RAB29: variants seen among roughly 807,000 people sequenced by gnomAD.
RAB29 encodes ras-related protein Rab-29.
In RAB29, 13 loss-of-function variants were observed where a neutral mutation model predicts 25.5. That is an observed-to-expected ratio of 0.51 (90% CI 0.33 to 0.81). The LOEUF (loss-of-function observed/expected upper bound fraction) is 0.81. RAB29 is among the 30% of genes least tolerant of loss of function. The probability of loss-of-function intolerance (pLI) is 0.02; values close to 1 mark genes in which losing one functional copy is unlikely to be tolerated. For missense variants in RAB29, 201 were observed against 254.9 expected, an observed-to-expected ratio of 0.79 and a Z score of 1.44; for synonymous variants, 88 against 95.0, an observed-to-expected ratio of 0.93 and a Z score of 0.43.
At chr1:205,770,515 T>C (rs2102470429) in intron 5 of RAB29, 62 bp from the exon 6 acceptor site, 2 of 1,474,812 alleles carry the variant, frequency 1.4e-6, no homozygotes. Flanking sequence ...ATGGCAGATG[T>C]AGTCTGACTT....
intron 4 of RAB29, chr1:205,771,070 G>C: frequency 1.8e-6 from 1 of 561,928 alleles, no homozygotes; most frequent in South Asian, 2.0e-5. Flanking sequence ...AGGCTGAGGC[G>C]GGCAGATCAT....
chr1:205,770,617 G>T (rs1654937884), intron 5 of RAB29, 116 bp downstream of exon 5: 2 of 1,520,136 alleles, frequency 1.3e-6, no homozygotes, highest in Admixed American at 1.8e-5. Flanking sequence ...ACCTTTAGGG[G>T]CTAGCATTCC....
In RAB29 at chr1:205,775,104, CA is replaced by C. The variant is rs1044023502; in HGVS notation, c.-130-19del. Reference sequence around the variant, plus strand: ...TGTCTGGGCTGCTCTGACGAGAAAGCAAAAAAGGAAACTTTGCACTCAACCT... The same window carrying C: ...TGTCTGGGCTGCTCTGACGAGAAAGCAAAAAGGAAACTTTGCACTCAACCT... On this transcript the variant is annotated intron_variant, in intron 1 of 5. Coordinates refer to ENST00000367139, the MANE Select transcript of RAB29 (RefSeq NM_003929.3). 9.1e-7 allele frequency: 1 copy of C among 1,097,054 alleles called. No homozygotes were observed. Among genetic ancestry groups the C allele is most frequent in the Non-Finnish European group, 1.3e-6 (1 of 787,214 alleles). The allele number at this position is 1,097,054 out of a possible 1,614,324, so 68.0% of individuals were successfully genotyped here. A position where few individuals can be genotyped will look rare whatever the true frequency, so the allele number is the denominator to read the frequency against.
Position 205,769,521 on chromosome 1 carries a change from C to G in RAB29, c.*821G>C, listed in dbSNP as rs1654880928. Reference sequence around the variant, plus strand: ...TCGGTTCACTGCAACCTCTGCCTCCCAGTCTCAAGCGATTCTCCCACCTCA... The same window carrying G: ...TCGGTTCACTGCAACCTCTGCCTCCGAGTCTCAAGCGATTCTCCCACCTCA... On this transcript the variant is annotated 3_prime_UTR_variant, in exon 6 of 6. Coordinates refer to ENST00000367139, the MANE Select transcript of RAB29 (RefSeq NM_003929.3). 6.6e-6 allele frequency: 1 copy of G among 152,112 alleles called. No individual in the cohort carries two copies. The highest frequency in any genetic ancestry group is 1.5e-5 in the Non-Finnish European group (1 of 68,040). 9.4% of individuals were successfully genotyped at this position (152,112 alleles called of 1,614,324 possible).
At position 205,771,469 on chromosome 1, in the gene RAB29, T is replaced by C. The variant is rs780091344; in HGVS notation, c.378+3A>G. ...GGACCATTTTCTGAGATTGGCCACA[T>C]ACCTTGTTGGCCAAGAGCAGGCAGG... is the stretch of plus-strand genomic sequence containing the variant. On this transcript the variant is annotated splice_donor_region_variant and intron_variant, in intron 4 of 5. Transcript: ENST00000367139. 1 of 1,613,736 alleles carries C rather than the reference T, an allele frequency of 6.2e-7. No homozygotes were observed. Among genetic ancestry groups the C allele is most frequent in the South Asian group, 1.1e-5 (1 of 91,058 alleles).
In RAB29 at chr1:205,773,525, C is replaced by G. The variant is rs567986172; in HGVS notation, c.125-958G>C. Among the ~76,000 whole-genome samples, 2 of 152,074 alleles carry G rather than the reference C, an allele frequency of 1.3e-5. 1 individual carries two copies. The highest frequency in any genetic ancestry group is 4.2e-4 in the South Asian group (2 of 4,816). On this transcript the variant is annotated intron_variant, in intron 2 of 5. Coordinates refer to ENST00000367139, the MANE Select transcript of RAB29 (RefSeq NM_003929.3). Reference sequence around the variant, plus strand: ...TTTGCCAGACTTAAATTTTTTGTTCCTTTGTTTTTGAGACAGGGTCTCACT... The same window carrying G: ...TTTGCCAGACTTAAATTTTTTGTTCGTTTGTTTTTGAGACAGGGTCTCACT...
chr1:205,772,411 G>T, intron 3 of RAB29, 85 bp downstream of exon 3: 1 of 1,365,322 alleles, frequency 7.3e-7, no homozygotes, highest in Non-Finnish European at 1.0e-6. Context: ...AACAATTTCT[G>T]GCTTTGCTGC....
intron 2 of RAB29, among the ~76,000 whole-genome samples, chr1:205,773,402 C>T (rs923386839): frequency 1.3e-5 from 2 of 152,190 alleles, no homozygotes; most frequent in Non-Finnish European, 2.9e-5. Context: ...TAGCAGGCCA[C>T]TTTTAACCCA....
intron 5 of RAB29, 46 bp downstream of exon 5, chr1:205,770,687 G>A (rs1379415345): frequency 6.2e-7 from 1 of 1,612,834 alleles, no homozygotes. Flanking sequence ...CAGGGCCACA[G>A]TGGAAGATGG....
rs372609414 is a variant in RAB29, at chr1:205,774,818, C to T, written c.124+15G>A. 41 of 1,583,046 alleles carry T rather than the reference C, an allele frequency of 2.6e-5. No homozygotes were observed. The African/African-American group carries it at 5.1e-4, about 20-fold the overall frequency. On this transcript the variant is annotated intron_variant, in intron 2 of 5. Coordinates refer to ENST00000367139, the MANE Select transcript of RAB29 (RefSeq NM_003929.3). ...CCTCCTCCCCCTCCCCCTCCCCACC[C>T]CCGAGACGTCTCACCTCCCACCGTG...
intron 4 of RAB29, 66 bp downstream of exon 4, chr1:205,771,406 A>G: frequency 2.6e-6 from 4 of 1,556,152 alleles, no homozygotes; most frequent in Non-Finnish European, 3.5e-6. Context: ...AGAATCAGAG[A>G]GCATTTTACT....
intron 3 of RAB29, 120 bp from the exon 4 acceptor site, chr1:205,771,773 T>C (rs1029341893): frequency 2.3e-4 from 237 of 1,021,618 alleles, no homozygotes; most frequent in Admixed American, 5.9e-4. Flanking sequence ...CCTCTGACTC[T>C]TGGTTTTCTA....
intron 2 of RAB29, 29 bp downstream of exon 2, chr1:205,774,804 T>G: frequency 5.7e-5 from 30 of 523,876 alleles, no homozygotes; most frequent in Non-Finnish European, 8.0e-5. Flanking sequence ...CTCCTCCCCC[T>G]CCCCCTCCCC....
chr1:205,772,740 A>C (rs1287748817), intron 2 of RAB29, among the ~76,000 whole-genome samples, 173 bp from the exon 3 acceptor site: 2 of 152,130 alleles, frequency 1.3e-5, no homozygotes, highest in East Asian at 1.9e-4. Context: ...ATTTAGTGTG[A>C]GATGGATGAT....
chr1:205,774,768 C>T (rs1168153614), intron 2 of RAB29, 65 bp downstream of exon 2: 28 of 1,523,624 alleles, frequency 1.8e-5, no homozygotes, highest in Non-Finnish European at 2.4e-5. Context: ...CTTGGGTCCC[C>T]AGCTCGAGTC....
Position 205,774,888 on chromosome 1 carries a change from C to T in RAB29, c.69G>A (p.Leu23=). ...AGCTGTCCTGGGAATATCGCTGCAC[C>T]AGCGACGTCTTGCCCACTGCGGCGT... is the stretch of plus-strand genomic sequence containing the variant. The part of the protein sequence containing the change: ...VGDAAVGKTS[L]VQRYSQDSFS... Residue 23 remains leucine (L), a synonymous_variant, in exon 2 of 6, where the codon CTG becomes CTA. Transcript: ENST00000367139. 6.2e-7 allele frequency: 1 copy of T among 1,613,872 alleles called. No individual in the cohort carries two copies. The highest frequency in any genetic ancestry group is 8.5e-7 in the Non-Finnish European group (1 of 1,179,942).
rs1213553402 is a variant in RAB29 at position 205,769,616 on chromosome 1, A to T, written c.*726T>A. ...GCTAATTTTTGTACTTTTAGTAGAG[A>T]CGGGGTTTTGCCATGCTGACCAGGT... On this transcript the variant is annotated 3_prime_UTR_variant, in exon 6 of 6. Transcript: ENST00000367139. The T allele has an allele frequency of 6.6e-6, 1 of 152,384 alleles. No individual in the cohort carries two copies. The highest frequency in any genetic ancestry group is 1.5e-5 in the Non-Finnish European group (1 of 68,268). The allele number at this position is 152,384 out of a possible 1,614,324, so 9.4% of individuals were successfully genotyped here.
Position 205,771,771 on chromosome 1 carries a change from T to C in RAB29, c.197-118A>G, listed in dbSNP as rs1278776252. On this transcript the variant is annotated intron_variant, in intron 3 of 5. Transcript: ENST00000367139. Reference sequence around the variant, plus strand: ...GGGCCACTCACTTTCCCCCTCTGACTCTTGGTTTTCTATCCCATAAAGGGA... The same window carrying C: ...GGGCCACTCACTTTCCCCCTCTGACCCTTGGTTTTCTATCCCATAAAGGGA... 4 of 1,017,948 alleles carry C rather than the reference T, an allele frequency of 3.9e-6. No individual in the cohort carries two copies. In the Admixed American group the frequency reaches 7.6e-5, roughly 19 times the overall value. The allele number at this position is 1,017,948 out of a possible 1,614,324, so 63.1% of individuals were successfully genotyped here. A position where few individuals can be genotyped will look rare whatever the true frequency, so the allele number is the denominator to read the frequency against.
At chr1:205,772,060 A>C (rs1172152074) in intron 3 of RAB29, among the ~76,000 whole-genome samples, 1 of 151,786 alleles carries the variant, frequency 6.6e-6, no homozygotes, top group Non-Finnish European at 1.5e-5. Context: ...GCAATTCTCC[A>C]AAAGCAGTAG....
Sources: gnomAD v4.1 joint callset for allele counts (sites outside exome capture counted in the v4.1 genomes callset) on GRCh38, gnomAD v4.1.1 for gene constraint, MANE v1.5 for transcripts, NCBI Gene and HGNC (gene_info 2026-07-23, HGNC 2026-07-21) for gene names.